Variants in CCNY observed in about 807,000 individuals in gnomAD.
The protein encoded by CCNY is cyclin-Y.
CCNY carries 19 observed loss-of-function variants against 42.8 expected under a neutral mutation model. The observed-to-expected ratio is 0.44, with a 90% confidence interval of 0.31 to 0.65. The LOEUF (loss-of-function observed/expected upper bound fraction) is 0.65. Ranked by LOEUF, CCNY falls within the 30% of genes least tolerant of loss-of-function variation. The pLI, the probability that CCNY is intolerant of heterozygous loss-of-function variation, is 0.07. For missense variants in CCNY, 370 were observed against 437.3 expected, an observed-to-expected ratio of 0.85 and a Z score of 1.37; for synonymous variants, 165 against 162.7, an observed-to-expected ratio of 1.01 and a Z score of -0.11.
intron 3 of CCNY, among the ~76,000 whole-genome samples, chr10:35,504,116 C>G (rs1589164520): frequency 1.3e-5 from 2 of 152,030 alleles, no homozygotes; most frequent in African/African-American, 4.8e-5. Flanking sequence ...TTTGAAGAAC[C>G]CACTTAGTAC....
At chr10:35,263,099 G>A (rs2095721460) in intron 3 of CCNY, among the ~76,000 whole-genome samples, 3 of 151,996 alleles carry the variant, frequency 2.0e-5, no homozygotes, top group African/African-American at 2.4e-5. Flanking sequence ...GCTCACGCCT[G>A]TAATACCAGC....
intron 3 of CCNY, among the ~76,000 whole-genome samples, chr10:35,286,395 G>C (rs946048046): frequency 2.1e-5 from 3 of 143,594 alleles, no homozygotes; most frequent in African/African-American, 7.8e-5. Context: ...GTCTCACTCT[G>C]TCGCCCAGGC....
At chr10:35,567,885 A>G (rs1021998990) in intron 9 of CCNY, among the ~76,000 whole-genome samples, 1 of 152,172 alleles carries the variant, frequency 6.6e-6, no homozygotes, top group Non-Finnish European at 1.5e-5. Flanking sequence ...GTTATCATCT[A>G]TTCGAGGAAA....
intron 1 of CCNY, among the ~76,000 whole-genome samples, chr10:35,479,057 T>TA (rs1839592612): frequency 6.6e-6 from 1 of 152,010 alleles, no homozygotes; most frequent in African/African-American, 2.4e-5. Flanking sequence ...CACAATGAGA[T>TA]ACCATCTCAC....
chr10:35,282,375 C>T (rs1835307584), intron 3 of CCNY, among the ~76,000 whole-genome samples: 1 of 152,194 alleles, frequency 6.6e-6, no homozygotes, highest in Admixed American at 6.5e-5. Context: ...GATCCTCTCA[C>T]TTTAGCCTCC....
At chr10:35,547,260 A>G (rs1341427980) in intron 7 of CCNY, among the ~76,000 whole-genome samples, 1 of 152,182 alleles carries the variant, frequency 6.6e-6, no homozygotes, top group Non-Finnish European at 1.5e-5. Flanking sequence ...ACTTAATATA[A>G]TAAATGCCGT....
At chr10:35,481,701 GA>G (rs1303301028) in intron 1 of CCNY, among the ~76,000 whole-genome samples, 1 of 152,128 alleles carries the variant, frequency 6.6e-6, no homozygotes, top group Non-Finnish European at 1.5e-5. Flanking sequence ...AAGTTTCTTG[GA>G]CATTAAAAGC....
Position 35,558,591 on chromosome 10 carries a change from T to C in CCNY, c.746+5406T>C, listed in dbSNP as rs115532560. 4.1e-3 allele frequency among the ~76,000 whole-genome samples: 629 copies of C among 152,338 alleles called. 7 individuals carry two copies. Among genetic ancestry groups the C allele is most frequent in the African/African-American group, 0.014 (600 of 41,564 alleles). Reference sequence around the variant, plus strand: ...CAGAATGTGACCATATTTGGAGATATATTTTTTAAAGAGGAAATTAAATTA... The same window carrying C: ...CAGAATGTGACCATATTTGGAGATACATTTTTTAAAGAGGAAATTAAATTA... On this transcript the variant is annotated intron_variant, in intron 8 of 9. Coordinates refer to ENST00000374704, the MANE Select transcript of CCNY (RefSeq NM_145012.6).
chr10:35,273,307 TTC>T (rs1436583527), intron 3 of CCNY, among the ~76,000 whole-genome samples: 1 of 152,016 alleles, frequency 6.6e-6, no homozygotes, highest in Non-Finnish European at 1.5e-5. Context: ...GTCCAAGCGA[TTC>T]TCCAGCCCCA....
chr10:35,422,787 T>TA (rs1838186444), intron 1 of CCNY, among the ~76,000 whole-genome samples: 1 of 152,370 alleles, frequency 6.6e-6, no homozygotes, highest in African/African-American at 2.4e-5. Flanking sequence ...TAGCATTAGT[T>TA]ACGTGTTAGG....
chr10:35,458,683 C>T (rs1839089166), intron 1 of CCNY, among the ~76,000 whole-genome samples: 1 of 152,176 alleles, frequency 6.6e-6, no homozygotes, highest in Admixed American at 6.5e-5. Context: ...CATCTGTAGC[C>T]TCAGCTGTGT....
At chr10:35,283,267 T>C (rs925103677) in intron 3 of CCNY, among the ~76,000 whole-genome samples, 8 of 152,128 alleles carry the variant, frequency 5.3e-5, no homozygotes, top group South Asian at 2.1e-4. Flanking sequence ...TATAATTCAG[T>C]GTATAGAAGA....
At chr10:35,262,427 C>G (rs1329578183) in intron 3 of CCNY, among the ~76,000 whole-genome samples, 1 of 150,822 alleles carries the variant, frequency 6.6e-6, no homozygotes, top group Admixed American at 6.6e-5. Flanking sequence ...GGTACAATCT[C>G]AGCTCACTGC....
chr10:35,406,396 C>G (rs1837772489), intron 1 of CCNY, among the ~76,000 whole-genome samples: 1 of 151,826 alleles, frequency 6.6e-6, no homozygotes, highest in Non-Finnish European at 1.5e-5. Context: ...GTGTTTGTGT[C>G]CCTGGGCACT....
intron 2 of CCNY, among the ~76,000 whole-genome samples, chr10:35,249,066 A>G (rs2135018503): frequency 6.6e-6 from 1 of 151,982 alleles, no homozygotes; most frequent in South Asian, 2.1e-4. Context: ...TCCCACCTCA[A>G]CCCCAACAGG....
At chr10:35,429,585 C>T (rs1345847866) in intron 1 of CCNY, among the ~76,000 whole-genome samples, 1 of 152,160 alleles carries the variant, frequency 6.6e-6, no homozygotes, top group Non-Finnish European at 1.5e-5. Flanking sequence ...GTTTACGTAT[C>T]TGTAAAACAG....
intron 1 of CCNY, among the ~76,000 whole-genome samples, chr10:35,436,726 C>T (rs537859826): frequency 2.6e-5 from 4 of 152,224 alleles, no homozygotes; most frequent in African/African-American, 9.6e-5. Context: ...GAAATCTGTA[C>T]GTTGGATGAA....
In CCNY at chr10:35,516,668, T is replaced by TCC. The variant is rs776086999; in HGVS notation, c.365+45_365+46insCC. 169 of 951,216 alleles carry TCC rather than the reference T, an allele frequency of 1.8e-4. No homozygotes were observed. In the African/African-American group the frequency reaches 2.4e-3, roughly 13 times the overall value. The allele number at this position is 951,216 out of a possible 1,614,324, so 58.9% of individuals were successfully genotyped here. On this transcript the variant is annotated intron_variant, in intron 4 of 9. Transcript: ENST00000374704. ...TCCTTCCTTCCTTCCTTCCTTTTTTTTTTTTTTTTTTTTTTTTTTTACTTA... is the reference window on the plus strand; with the variant it reads ...TCCTTCCTTCCTTCCTTCCTTTTTTTCCTTTTTTTTTTTTTTTTTTTTACTTA...
intron 3 of CCNY, among the ~76,000 whole-genome samples, chr10:35,507,936 C>G (rs1210987798): frequency 6.6e-6 from 1 of 152,122 alleles, no homozygotes; most frequent in Admixed American, 6.6e-5. Flanking sequence ...CAGGCAGTTT[C>G]ATCTGACTCT....
Sources: gnomAD v4.1 joint callset for allele counts (sites outside exome capture counted in the v4.1 genomes callset) on GRCh38, gnomAD v4.1.1 for gene constraint, MANE v1.5 for transcripts, NCBI Gene and HGNC (gene_info 2026-07-23, HGNC 2026-07-21) for gene names.